Variants in LRRC4C observed in about 807,000 individuals in gnomAD.
LRRC4C encodes the protein leucine-rich repeat-containing protein 4C.
LRRC4C carries 5 observed loss-of-function variants against 33.6 expected under a neutral mutation model. That is an observed-to-expected ratio of 0.15 (90% CI 0.08 to 0.31). The LOEUF is 0.31. LRRC4C is among the 10% of genes least tolerant of loss of function. The probability of loss-of-function intolerance (pLI) is 1.00; values close to 1 mark genes in which losing one functional copy is unlikely to be tolerated. For synonymous variants in LRRC4C, 329 were observed against 302.0 expected (o/e 1.09, Z -0.93); for missense variants, 560 against 796.7 (o/e 0.70, Z 3.58).
chr11:40,900,699 T>C (rs1956162075), intron 2 of LRRC4C, among the ~76,000 whole-genome samples: 1 of 151,964 alleles, frequency 6.6e-6, no homozygotes, highest in African/African-American at 2.4e-5. Context: ...GTTCATTTCT[T>C]TTTATCCTTA....
chr11:41,053,371 C>T (rs554180745), intron 1 of LRRC4C, among the ~76,000 whole-genome samples: 1 of 152,260 alleles, frequency 6.6e-6, no homozygotes, highest in Non-Finnish European at 1.5e-5. Flanking sequence ...GAAACTAATA[C>T]CCTCATCATT....
At chr11:41,073,349 G>A (rs1304146724) in intron 1 of LRRC4C, among the ~76,000 whole-genome samples, 2 of 152,076 alleles carry the variant, frequency 1.3e-5, no homozygotes, top group African/African-American at 4.8e-5. Context: ...TTAACAACTG[G>A]CTTTCTCTGG....
At chr11:40,767,702 C>A (rs893102697) in intron 2 of LRRC4C, among the ~76,000 whole-genome samples, 3 of 151,682 alleles carry the variant, frequency 2.0e-5, no homozygotes, top group African/African-American at 7.3e-5. Flanking sequence ...AGAAAGTAAA[C>A]CATATGCTCC....
At chr11:40,288,298 T>C (rs1275292109) in intron 4 of LRRC4C, among the ~76,000 whole-genome samples, 2 of 152,222 alleles carry the variant, frequency 1.3e-5, no homozygotes, top group African/African-American at 2.4e-5. Context: ...AGAACTTTCA[T>C]AGAGAATTTC....
At chr11:40,270,926 C>G (rs573096885) in intron 4 of LRRC4C, among the ~76,000 whole-genome samples, 3 of 152,090 alleles carry the variant, frequency 2.0e-5, no homozygotes. Flanking sequence ...CAATTTAATG[C>G]TTTTTCTATT....
At chr11:40,920,781 G>C (rs565897949) in intron 2 of LRRC4C, among the ~76,000 whole-genome samples, 13 of 152,090 alleles carry the variant, frequency 8.5e-5, no homozygotes, top group Non-Finnish European at 1.2e-4. Context: ...TTTGGAACCT[G>C]TGAGCATGTT....
chr11:40,709,017 G>A (rs1201021604), intron 2 of LRRC4C, among the ~76,000 whole-genome samples: 2 of 151,982 alleles, frequency 1.3e-5, no homozygotes, highest in Admixed American at 6.6e-5. Flanking sequence ...CAGAGACTAG[G>A]ATTGCAACCT....
intron 3 of LRRC4C, among the ~76,000 whole-genome samples, chr11:40,322,714 C>T (rs750514273): frequency 2.0e-5 from 3 of 152,082 alleles, no homozygotes; most frequent in African/African-American, 4.8e-5. Flanking sequence ...GGGTCACTAT[C>T]CTAATTTGTG....
At chr11:41,205,097 G>A (rs992294457) in intron 1 of LRRC4C, among the ~76,000 whole-genome samples, 1 of 152,154 alleles carries the variant, frequency 6.6e-6, no homozygotes, top group African/African-American at 2.4e-5. Flanking sequence ...AAGGCCCTGA[G>A]GTGGGAAAGG....
chr11:40,426,124 C>T (rs991188245), intron 3 of LRRC4C, among the ~76,000 whole-genome samples: 12 of 151,642 alleles, frequency 7.9e-5, no homozygotes, highest in Admixed American at 7.9e-4. Context: ...AGTGATTCTC[C>T]TGACTCAGGC....
At chr11:41,109,055 A>C (rs942307504) in intron 1 of LRRC4C, among the ~76,000 whole-genome samples, 1 of 152,032 alleles carries the variant, frequency 6.6e-6, no homozygotes, top group African/African-American at 2.4e-5. Context: ...TAATTGTATT[A>C]GTTTCTGATA....
intron 2 of LRRC4C, among the ~76,000 whole-genome samples, chr11:40,763,076 T>C (rs35597284): frequency 0.12 from 18,169 of 149,276 alleles, 1,478 homozygotes; most frequent in East Asian, 0.4. Context: ...TATATATGTA[T>C]ACACACACAT....
chr11:40,418,986 G>A (rs1343776485), intron 3 of LRRC4C, among the ~76,000 whole-genome samples: 1 of 152,084 alleles, frequency 6.6e-6, no homozygotes, highest in African/African-American at 2.4e-5. Context: ...GGGGGATAGG[G>A]GGAGGGAGAG....
intron 1 of LRRC4C, among the ~76,000 whole-genome samples, chr11:41,299,864 G>T (rs1950239134): frequency 6.6e-6 from 1 of 152,034 alleles, no homozygotes; most frequent in African/African-American, 2.4e-5. Context: ...GTCTAGAAGG[G>T]AAATGAACTT....
intron 5 of LRRC4C, among the ~76,000 whole-genome samples, chr11:40,204,334 T>TTA (rs1380344280): frequency 6.6e-6 from 1 of 152,196 alleles, no homozygotes; most frequent in Admixed American, 6.5e-5. Context: ...TATCCTTTCC[T>TTA]TCAGCTTGCC....
At chr11:40,488,464 G>A (rs1330620321) in intron 3 of LRRC4C, among the ~76,000 whole-genome samples, 1 of 148,892 alleles carries the variant, frequency 6.7e-6, no homozygotes, top group Non-Finnish European at 1.5e-5. Context: ...TTTGGATAAA[G>A]TAACAGTACA....
At chr11:41,285,630 C>T (rs772201227) in intron 1 of LRRC4C, among the ~76,000 whole-genome samples, 1 of 152,148 alleles carries the variant, frequency 6.6e-6, no homozygotes, top group Non-Finnish European at 1.5e-5. Flanking sequence ...ACATGGAAGA[C>T]AGTCCTACAT....
At chr11:40,952,681 C>T (rs991631386) in intron 1 of LRRC4C, among the ~76,000 whole-genome samples, 2 of 151,894 alleles carry the variant, frequency 1.3e-5, no homozygotes, top group Admixed American at 6.6e-5. Flanking sequence ...GAGAGACATC[C>T]TTGCCCATGA....
At chr11:41,253,235 G>A (rs1372044562) in intron 1 of LRRC4C, among the ~76,000 whole-genome samples, 1 of 152,070 alleles carries the variant, frequency 6.6e-6, no homozygotes, top group Non-Finnish European at 1.5e-5. Context: ...GGATGGGTCT[G>A]TACATTATAA....
Sources: gnomAD v4.1 joint callset for allele counts (sites outside exome capture counted in the v4.1 genomes callset) on GRCh38, gnomAD v4.1.1 for gene constraint, MANE v1.5 for transcripts, NCBI Gene and HGNC (gene_info 2026-07-23, HGNC 2026-07-21) for gene names.